ELP1: variants seen among roughly 807,000 people sequenced by gnomAD.
ELP1 encodes elongator complex protein 1.
A neutral mutation model predicts 183.2 loss-of-function variants in ELP1; 131 were observed. The ratio of observed to expected loss-of-function variants is 0.72; its 90% CI spans 0.62 to 0.83. ELP1 has a LOEUF of 0.83. Ranked by LOEUF, ELP1 falls within the 40% of genes least tolerant of loss-of-function variation. The probability of loss-of-function intolerance (pLI) is 0.00; values close to 1 mark genes in which losing one functional copy is unlikely to be tolerated. For synonymous variants in ELP1, 555 were observed against 569.0 expected, an observed-to-expected ratio of 0.98 and a Z score of 0.35; for missense variants, 1,550 against 1,594.9, an observed-to-expected ratio of 0.97 and a Z score of 0.48.
intron 7 of ELP1, 61 bp downstream of exon 7, chr9:108,919,192 T>G (rs1291188986): frequency 1.2e-5 from 14 of 1,162,428 alleles, no homozygotes; most frequent in African/African-American, 6.1e-5. Context: ...AAGAAAATTT[T>G]CCTTAATTTT....
chr9:108,893,198 A>G (rs1239256564), intron 26 of ELP1, 115 bp from the exon 27 acceptor site: 1 of 733,394 alleles, frequency 1.4e-6, no homozygotes. Flanking sequence ...AGACCTAAAT[A>G]ATCAGAGAAT....
chr9:108,919,854 C>T (rs113403530), intron 6 of ELP1, among the ~76,000 whole-genome samples: 129 of 152,238 alleles, frequency 8.5e-4, no homozygotes, highest in African/African-American at 2.8e-3. Context: ...TGCAGCATGA[C>T]GGGAAGAAAC....
At chr9:108,916,633 G>A (rs1387111509) in intron 9 of ELP1, among the ~76,000 whole-genome samples, 1 of 152,134 alleles carries the variant, frequency 6.6e-6, no homozygotes, top group Non-Finnish European at 1.5e-5. Flanking sequence ...TAGAATTATG[G>A]TTATGTAAAG....
intron 5 of ELP1, 27 bp downstream of exon 5, chr9:108,926,496 C>G (rs941253795): frequency 6.3e-7 from 1 of 1,575,636 alleles, no homozygotes; most frequent in African/African-American, 1.3e-5. Context: ...ACGTAGGTCA[C>G]AAAATATTGC....
chr9:108,887,175 C>G (rs574777988), intron 29 of ELP1, among the ~76,000 whole-genome samples: 1 of 152,194 alleles, frequency 6.6e-6, no homozygotes, highest in African/African-American at 2.4e-5. Context: ...CACCACTGCA[C>G]TCCAGCCTGG....
chr9:108,868,701 A>C lies in ELP1; in HGVS notation c.*414T>G, dbSNP rs1564203770. 1 of 501,590 alleles carries C rather than the reference A, an allele frequency of 2.0e-6. No individual in the cohort carries two copies. The highest frequency in any genetic ancestry group is 3.5e-6 in the Non-Finnish European group (1 of 286,866). 31.1% of individuals were successfully genotyped at this position (501,590 alleles called of 1,614,324 possible). A position where few individuals can be genotyped will look rare whatever the true frequency, so the allele number is the denominator to read the frequency against. ...GACAAGAAGCTATTTAAGTGATTACATTTGACCAAATGTAGCACTAATAGC... is the reference window on the plus strand; with the variant it reads ...GACAAGAAGCTATTTAAGTGATTACCTTTGACCAAATGTAGCACTAATAGC... On this transcript the variant is annotated 3_prime_UTR_variant, in exon 37 of 37. Coordinates refer to ENST00000374647, the MANE Select transcript of ELP1 (RefSeq NM_003640.5).
At chr9:108,905,156 CAA>C (rs577292188) in intron 14 of ELP1, among the ~76,000 whole-genome samples, 31 of 152,272 alleles carry the variant, frequency 2.0e-4, no homozygotes, top group African/African-American at 6.7e-4. Context: ...GACTATGAGT[CAA>C]AGAGTAGCAG....
At chr9:108,914,726 C>T (rs1362398264) in intron 10 of ELP1, among the ~76,000 whole-genome samples, 1 of 152,124 alleles carries the variant, frequency 6.6e-6, no homozygotes, top group African/African-American at 2.4e-5. Context: ...TCCAGGTTCA[C>T]ACCATTCTCC....
In ELP1 at chr9:108,896,557, T is replaced by A; in HGVS notation, c.2675A>T (p.Asp892Val). The change falls in exon 25 of 37, where the codon GAT (aspartate) becomes GTT (valine). Residue 892 changes from aspartate to valine, a missense_variant. Transcript: ENST00000374647. ...AAAGTCATAGGTGCCAAGAGAATGATCATATAATTCATTAACATCTACCAG... is the reference window on the plus strand; with the variant it reads ...AAAGTCATAGGTGCCAAGAGAATGAACATATAATTCATTAACATCTACCAG... ...LHLVDVNELY[D>V]HSLGTYDFDL... 6.2e-7 allele frequency: 1 copy of A among 1,613,878 alleles called. No individual in the cohort carries two copies.
chr9:108,911,924 T>C (rs1289633885), intron 11 of ELP1, among the ~76,000 whole-genome samples: 1 of 152,098 alleles, frequency 6.6e-6, no homozygotes, highest in East Asian at 1.9e-4. Flanking sequence ...TATAAATCTG[T>C]GTCAGGGCAA....
At chr9:108,885,435 CAT>C in intron 29 of ELP1, among the ~76,000 whole-genome samples, 1 of 152,244 alleles carries the variant, frequency 6.6e-6, no homozygotes, top group Middle Eastern at 3.4e-3. Flanking sequence ...ACTTGAAAGA[CAT>C]AAACTACCAA....
chr9:108,875,095 A>G lies in ELP1; in HGVS notation c.3856-125T>C, dbSNP rs561749216. ...TTTCTACTGGTATGGTGTGAAACAC[A>G]GTAATTCTCTTTCCCAATGTGATTT... On this transcript the variant is annotated intron_variant, in intron 35 of 36. Transcript: ENST00000374647. The G allele has an allele frequency of 9.8e-6, 7 of 717,236 alleles. No individual in the cohort carries two copies. The South Asian group carries it at 1.0e-4, about 10-fold the overall frequency. The allele number at this position is 717,236 out of a possible 1,614,324, so 44.4% of individuals were successfully genotyped here. A position where few individuals can be genotyped will look rare whatever the true frequency, so the allele number is the denominator to read the frequency against.
Position 108,900,394 on chromosome 9 carries a change from A to G in ELP1, c.2015-19T>C, listed in dbSNP as rs774967083. 4.8e-5 allele frequency: 74 copies of G among 1,544,976 alleles called. 3 individuals are homozygous for G. In the South Asian group the frequency reaches 7.3e-4, roughly 15 times the overall value. On this transcript the variant is annotated intron_variant, in intron 18 of 36. Coordinates refer to ENST00000374647, the MANE Select transcript of ELP1 (RefSeq NM_003640.5). The stretch of plus-strand genomic sequence containing the variant: ...TGTAATGCTAAACACACCATTAACT[A>G]ATAAGCCTTAATTATCACAACAAGC...
At chr9:108,904,307 C>T (rs1249417327) in intron 14 of ELP1, among the ~76,000 whole-genome samples, 1 of 143,026 alleles carries the variant, frequency 7.0e-6, no homozygotes, top group Non-Finnish European at 1.5e-5. Flanking sequence ...GCAGTTGACA[C>T]AATCACAGCT....
At chr9:108,920,886 A>C (rs1829621554) in intron 6 of ELP1, among the ~76,000 whole-genome samples, 1 of 152,126 alleles carries the variant, frequency 6.6e-6, no homozygotes, top group South Asian at 2.1e-4. Context: ...ATCATCCTAT[A>C]CCATTAATAA....
chr9:108,889,951 T>C (rs1406997680), intron 28 of ELP1, among the ~76,000 whole-genome samples: 1 of 152,244 alleles, frequency 6.6e-6, no homozygotes, highest in Non-Finnish European at 1.5e-5. Context: ...TTGTGTAAAC[T>C]GCCTACGTTA....
intron 6 of ELP1, among the ~76,000 whole-genome samples, chr9:108,921,759 T>C (rs576807155): frequency 1.1e-4 from 17 of 152,368 alleles, no homozygotes; most frequent in African/African-American, 3.6e-4. Context: ...GCTTTCAGAA[T>C]GTTAAATTAG....
In ELP1 at chr9:108,929,835, A is replaced by G. The variant is rs200920506; in HGVS notation, c.237T>C (p.Asp79=). Residue 79 remains aspartate, a synonymous_variant, in exon 3 of 37, where the codon GAT becomes GAC. Coordinates refer to ENST00000374647, the MANE Select transcript of ELP1 (RefSeq NM_003640.5). ...GRIVGVQDLL[D]QESVCVATAS... ...CTGTGGCCACACACACAGACTCCTG[A>G]TCCAGCAAGTCCTGAACACCAACAA... The G allele has an allele frequency of 6.2e-7, 1 of 1,613,966 alleles. No individual in the cohort carries two copies. The highest frequency in any genetic ancestry group is 8.5e-7 in the Non-Finnish European group (1 of 1,180,018).
intron 8 of ELP1, 121 bp downstream of exon 8, chr9:108,918,690 C>G: frequency 1.3e-6 from 1 of 789,108 alleles, no homozygotes; most frequent in Non-Finnish European, 2.3e-6. Context: ...GCCTTATAAC[C>G]AAATGAAGAA....
Sources: gnomAD v4.1 joint callset for allele counts (sites outside exome capture counted in the v4.1 genomes callset) on GRCh38, gnomAD v4.1.1 for gene constraint, MANE v1.5 for transcripts, NCBI Gene and HGNC (gene_info 2026-07-23, HGNC 2026-07-21) for gene names.